The following ABL2 variants were observed in gnomAD, a reference collection of about 807,000 sequenced individuals.
ABL2 encodes ABL proto-oncogene 2, non-receptor tyrosine kinase, also known as tyrosine-protein kinase ABL2.
Under a neutral mutation model 107.7 loss-of-function variants are expected in ABL2, and 49 were observed. That is an observed-to-expected ratio of 0.45 (90% CI 0.36 to 0.58). ABL2 has a LOEUF of 0.58. Ranked by LOEUF, ABL2 falls within the 20% of genes least tolerant of loss-of-function variation. ABL2 has a pLI of 0.00. For missense variants in ABL2, 1,245 were observed against 1,457.0 expected (o/e 0.85, Z 2.37); for synonymous variants, 549 against 548.6 (o/e 1.00, Z -0.01).
chr1:179,163,833 G>A (rs560168582), intron 1 of ABL2, among the ~76,000 whole-genome samples: 4 of 152,314 alleles, frequency 2.6e-5, no homozygotes, highest in Non-Finnish European at 4.4e-5. Flanking sequence ...ACAAGGTGTG[G>A]TACACATCCA....
chr1:179,184,208 G>A (rs1025046981), intron 1 of ABL2: 3 of 485,892 alleles, frequency 6.2e-6, no homozygotes, highest in Non-Finnish European at 1.1e-5. Context: ...AAGTTGAAGT[G>A]ACAGAATTTG....
At chr1:179,175,588 G>C (rs931818243) in intron 1 of ABL2, among the ~76,000 whole-genome samples, 2 of 152,226 alleles carry the variant, frequency 1.3e-5, no homozygotes, top group Non-Finnish European at 2.9e-5. Flanking sequence ...TTTCGGGGTA[G>C]GATAGTGGGG....
In ABL2 at chr1:179,110,547, C is replaced by A. The variant is rs941852221; in HGVS notation, c.1652-92G>T. On this transcript the variant is annotated intron_variant, in intron 10 of 11. Transcript: ENST00000502732. Reference sequence around the variant, plus strand: ...GAAAAGGCACACAACTGAGAAAGAACTGGCAAGTAGAGTACTAAAATACAT... The same window carrying A: ...GAAAAGGCACACAACTGAGAAAGAAATGGCAAGTAGAGTACTAAAATACAT... 48 of 1,526,390 alleles carry A rather than the reference C, an allele frequency of 3.1e-5. No homozygotes were observed. In the African/African-American group the frequency reaches 6.5e-4, roughly 21 times the overall value. 94.6% of individuals were successfully genotyped at this position (1,526,390 alleles called of 1,614,324 possible). A position where few individuals can be genotyped will look rare whatever the true frequency, so the allele number is the denominator to read the frequency against.
intron 1 of ABL2, among the ~76,000 whole-genome samples, chr1:179,177,363 C>T (rs1660108443): frequency 6.6e-6 from 1 of 152,186 alleles, no homozygotes; most frequent in Non-Finnish European, 1.5e-5. Context: ...CAGAAACAGC[C>T]AAGTCAAGTT....
intron 1 of ABL2, among the ~76,000 whole-genome samples, chr1:179,195,134 A>C (rs994808776): frequency 6.6e-5 from 10 of 152,138 alleles, no homozygotes; most frequent in African/African-American, 2.2e-4. Flanking sequence ...CTAAAACTAC[A>C]AAACTTACCC....
chr1:179,120,364 T>A, intron 5 of ABL2, 90 bp from the exon 6 acceptor site: 1 of 677,298 alleles, frequency 1.5e-6, no homozygotes, highest in Non-Finnish European at 2.5e-6. Context: ...TCATAAAGCT[T>A]CAGCTTTAAA....
At chr1:179,190,551 G>A (rs555452487) in intron 1 of ABL2, among the ~76,000 whole-genome samples, 4 of 151,844 alleles carry the variant, frequency 2.6e-5, no homozygotes, top group Admixed American at 1.3e-4. Flanking sequence ...TGTTGATGAC[G>A]TTGATGACGT....
chr1:179,204,901 A>C (rs1661868682), intron 1 of ABL2, among the ~76,000 whole-genome samples: 5 of 152,202 alleles, frequency 3.3e-5, no homozygotes, highest in Admixed American at 3.3e-4. Context: ...AGAGTTTCAG[A>C]TAAATGTAGT....
At chr1:179,117,291 A>AT (rs776946319) in intron 8 of ABL2, 41 bp downstream of exon 8, 45 of 1,591,652 alleles carry the variant, frequency 2.8e-5, no homozygotes, top group African/African-American at 6.7e-5. Context: ...TTATAAAAAA[A>AT]AAAATAAAAT....
chr1:179,148,339 C>T (rs1432770956), intron 1 of ABL2, among the ~76,000 whole-genome samples: 3 of 152,162 alleles, frequency 2.0e-5, no homozygotes, highest in African/African-American at 4.8e-5. Context: ...CCGCACCTGG[C>T]TAGCACCATT....
At chr1:179,211,003 C>T (rs918310380) in intron 1 of ABL2, among the ~76,000 whole-genome samples, 4 of 151,934 alleles carry the variant, frequency 2.6e-5, no homozygotes, top group African/African-American at 4.8e-5. Context: ...TCAGAGCTGA[C>T]GCCACCTTGA....
chr1:179,187,887 A>G (rs558057610), intron 1 of ABL2, among the ~76,000 whole-genome samples: 26 of 152,244 alleles, frequency 1.7e-4, no homozygotes, highest in Non-Finnish European at 3.1e-4. Flanking sequence ...GAACCCTATA[A>G]ACTCTCCAAA....
At chr1:179,183,268 TAC>T (rs913868468) in intron 1 of ABL2, among the ~76,000 whole-genome samples, 1 of 152,118 alleles carries the variant, frequency 6.6e-6, no homozygotes, top group African/African-American at 2.4e-5. Context: ...ACTTAATGCG[TAC>T]AACTTACATT....
chr1:179,104,437 T>C lies in ABL2; in HGVS notation c.*3281A>G. 4.6e-6 allele frequency: 1 copy of C among 216,492 alleles called. No individual in the cohort carries two copies. Among genetic ancestry groups the C allele is most frequent in the Non-Finnish European group, 9.3e-6 (1 of 107,526 alleles). The allele number at this position is 216,492 out of a possible 1,614,324, so 13.4% of individuals were successfully genotyped here. A position where few individuals can be genotyped will look rare whatever the true frequency, so the allele number is the denominator to read the frequency against. The stretch of plus-strand genomic sequence containing the variant: ...TGGGACATATTTTACTAGCCAATTT[T>C]CAGTTGAATCCTAAGAAACTTTCTA... On this transcript the variant is annotated 3_prime_UTR_variant, in exon 12 of 12. Coordinates refer to ENST00000502732, the MANE Select transcript of ABL2 (RefSeq NM_007314.4).
At position 179,108,096 on chromosome 1, in the gene ABL2, T is replaced by C. The variant is rs1178472043; in HGVS notation, c.3171A>G (p.Lys1057=). The part of the protein sequence containing the change: ...PLPTSSISPA[K]MANGTAGTKV... ...TAGTACCTGCTGTGCCATTGGCCATTTTGGCTGGCGAGATGGAAGATGTGG... is the reference window on the plus strand; with the variant it reads ...TAGTACCTGCTGTGCCATTGGCCATCTTGGCTGGCGAGATGGAAGATGTGG... The change falls in exon 12 of 12, where the codon AAA becomes AAG. Residue 1057 remains lysine, a synonymous_variant. Coordinates refer to ENST00000502732, the MANE Select transcript of ABL2 (RefSeq NM_007314.4). 6.2e-6 allele frequency: 10 copies of C among 1,614,226 alleles called. No individual in the cohort carries two copies. Among genetic ancestry groups the C allele is most frequent in the Non-Finnish European group, 7.6e-6 (9 of 1,180,034 alleles).
chr1:179,167,492 A>G (rs1358189282), intron 1 of ABL2, among the ~76,000 whole-genome samples: 1 of 152,204 alleles, frequency 6.6e-6, no homozygotes, highest in Non-Finnish European at 1.5e-5. Flanking sequence ...AGTAAGTTCT[A>G]ATGTTCATTG....
At chr1:179,134,651 C>T (rs1656666887) in intron 1 of ABL2, among the ~76,000 whole-genome samples, 1 of 152,126 alleles carries the variant, frequency 6.6e-6, no homozygotes, top group South Asian at 2.1e-4. Context: ...CTAAATAATG[C>T]CCTATGATGT....
At position 179,099,680 on chromosome 1, in the gene ABL2, G is replaced by T; in HGVS notation, c.*8038C>A. On this transcript the variant is annotated 3_prime_UTR_variant, in exon 12 of 12. Coordinates refer to ENST00000502732, the MANE Select transcript of ABL2 (RefSeq NM_007314.4). ...TGTGCACCACATACACACCTGCGGG[G>T]CGGGACCTTTGGTATAAACGTTCAA... 4.3e-6 allele frequency: 1 copy of T among 231,184 alleles called. No homozygotes were observed. Among genetic ancestry groups the T allele is most frequent in the African/African-American group, 2.2e-5 (1 of 45,324 alleles). 14.3% of individuals were successfully genotyped at this position (231,184 alleles called of 1,614,324 possible).
intron 4 of ABL2, among the ~76,000 whole-genome samples, chr1:179,123,373 T>G (rs1655407626): frequency 6.6e-6 from 1 of 151,798 alleles, no homozygotes; most frequent in African/African-American, 2.4e-5. Context: ...GGCTTGGTGG[T>G]GCGTGCCTGC....
Sources: gnomAD v4.1 joint callset for allele counts (sites outside exome capture counted in the v4.1 genomes callset) on GRCh38, gnomAD v4.1.1 for gene constraint, MANE v1.5 for transcripts, NCBI Gene and HGNC (gene_info 2026-07-23, HGNC 2026-07-21) for gene names.